The following MAGI2 variants were observed in gnomAD, a reference collection of about 807,000 sequenced individuals.
The protein encoded by MAGI2 is membrane-associated guanylate kinase, WW and PDZ domain-containing protein 2.
MAGI2 carries 35 observed loss-of-function variants against 133.3 expected under a neutral mutation model. That is an observed-to-expected ratio of 0.26 (90% CI 0.20 to 0.35). MAGI2 has a LOEUF of 0.35. MAGI2 is among the 10% of genes least tolerant of loss of function. MAGI2 has a pLI of 1.00. For synonymous variants in MAGI2, 729 were observed against 710.6 expected (o/e 1.03, Z -0.41); for missense variants, 1,636 against 1,863.4 (o/e 0.88, Z 2.25).
At chr7:78,678,374 A>G (rs968153846) in intron 2 of MAGI2, among the ~76,000 whole-genome samples, 4 of 151,992 alleles carry the variant, frequency 2.6e-5, no homozygotes, top group Non-Finnish European at 4.4e-5. Flanking sequence ...CCTGCTTCCC[A>G]CTCAAAGTCA....
At chr7:78,237,124 T>C (rs1384381606) in intron 10 of MAGI2, among the ~76,000 whole-genome samples, 1 of 152,044 alleles carries the variant, frequency 6.6e-6, no homozygotes, top group Non-Finnish European at 1.5e-5. Context: ...CATCCTGTTA[T>C]ACACATAGAT....
intron 1 of MAGI2, among the ~76,000 whole-genome samples, chr7:79,264,052 A>G (rs1190622215): frequency 6.6e-6 from 1 of 152,178 alleles, no homozygotes; most frequent in Non-Finnish European, 1.5e-5. Flanking sequence ...ACATTTTTTT[A>G]AAGTAGAAAG....
At chr7:79,152,664 A>T (rs1427328661) in intron 1 of MAGI2, among the ~76,000 whole-genome samples, 3 of 152,164 alleles carry the variant, frequency 2.0e-5, no homozygotes, top group Non-Finnish European at 4.4e-5. Context: ...TTCCACTCCA[A>T]ATGAATTTCT....
chr7:79,071,388 C>T (rs1192771493), intron 1 of MAGI2, among the ~76,000 whole-genome samples: 1 of 151,996 alleles, frequency 6.6e-6, no homozygotes, highest in East Asian at 1.9e-4. Flanking sequence ...TCTGTTGGCC[C>T]CTGCTGGGAG....
At chr7:78,291,727 C>A (rs1796728683) in intron 9 of MAGI2, among the ~76,000 whole-genome samples, 1 of 152,144 alleles carries the variant, frequency 6.6e-6, no homozygotes, top group African/African-American at 2.4e-5. Flanking sequence ...CAAGAAGCTT[C>A]TCCACCATGA....
At chr7:78,571,872 A>G (rs1252268177) in intron 3 of MAGI2, among the ~76,000 whole-genome samples, 1 of 152,086 alleles carries the variant, frequency 6.6e-6, no homozygotes, top group African/African-American at 2.4e-5. Context: ...AGAATAGAAT[A>G]TTTTTCATAG....
intron 2 of MAGI2, among the ~76,000 whole-genome samples, chr7:78,690,162 T>A (rs939010461): frequency 6.6e-6 from 1 of 152,224 alleles, no homozygotes; most frequent in Non-Finnish European, 1.5e-5. Flanking sequence ...TTTATTTTCC[T>A]ATCTTTTAAT....
At chr7:79,131,693 A>T (rs1036977592) in intron 1 of MAGI2, among the ~76,000 whole-genome samples, 1 of 152,134 alleles carries the variant, frequency 6.6e-6, no homozygotes, top group African/African-American at 2.4e-5. Flanking sequence ...AACCAGGACT[A>T]AGAAAAAACT....
intron 2 of MAGI2, among the ~76,000 whole-genome samples, chr7:78,716,532 A>AG (rs1276839117): frequency 1.3e-5 from 2 of 152,184 alleles, no homozygotes; most frequent in Non-Finnish European, 2.9e-5. Context: ...TGGCCTTTAG[A>AG]GGGAAAACAT....
chr7:79,368,656 G>T (rs921609152), intron 1 of MAGI2, among the ~76,000 whole-genome samples: 1 of 151,426 alleles, frequency 6.6e-6, no homozygotes, highest in African/African-American at 2.4e-5. Flanking sequence ...AGACCATCCC[G>T]GCTAAAACGG....
At chr7:78,321,656 T>C (rs1088557) in intron 9 of MAGI2, among the ~76,000 whole-genome samples, 77,487 of 151,924 alleles carry the variant, frequency 0.51, 21,891 homozygotes, top group African/African-American at 0.76. Flanking sequence ...AGACCTAAAA[T>C]CATAAAAACC....
rs9656146 is a variant in MAGI2 at position 78,414,968 on chromosome 7, T to C, written c.1046-45755A>G. 5.7e-3 allele frequency among the ~76,000 whole-genome samples: 868 copies of C among 152,212 alleles called. 9 individuals are homozygous for C. The highest frequency in any genetic ancestry group is 0.02 in the African/African-American group (811 of 41,558). On this transcript the variant is annotated intron_variant, in intron 6 of 21. Coordinates refer to ENST00000354212, the MANE Select transcript of MAGI2 (RefSeq NM_012301.4). ...CAGTGATTCTATTATCTAAAAACTG[T>C]GTGCCCTGATTTAACCTAAGTGAGA... is the stretch of plus-strand genomic sequence containing the variant.
intron 6 of MAGI2, among the ~76,000 whole-genome samples, chr7:78,462,413 T>C (rs1233299241): frequency 1.3e-5 from 2 of 152,216 alleles, no homozygotes; most frequent in Admixed American, 6.5e-5. Context: ...TCACATTCTC[T>C]TGATCTAAGG....
chr7:78,245,390 A>G (rs1175932122), intron 10 of MAGI2, among the ~76,000 whole-genome samples: 1 of 152,232 alleles, frequency 6.6e-6, no homozygotes, highest in Non-Finnish European at 1.5e-5. Flanking sequence ...CATTGTGGGC[A>G]TTCAAAAAGT....
intron 3 of MAGI2, among the ~76,000 whole-genome samples, chr7:78,576,199 T>C (rs1307935422): frequency 1.3e-5 from 2 of 151,980 alleles, no homozygotes; most frequent in East Asian, 3.8e-4. Context: ...ATGCTTTTTT[T>C]TTTTCTTGTT....
At chr7:78,694,631 T>C (rs556681055) in intron 2 of MAGI2, among the ~76,000 whole-genome samples, 2 of 152,166 alleles carry the variant, frequency 1.3e-5, no homozygotes, top group South Asian at 4.2e-4. Flanking sequence ...AAAGACCCCT[T>C]CCATAATAAT....
At chr7:79,127,690 TGG>T in intron 1 of MAGI2, among the ~76,000 whole-genome samples, 2 of 152,220 alleles carry the variant, frequency 1.3e-5, no homozygotes, top group Non-Finnish European at 2.9e-5. Context: ...TTGTAGATTC[TGG>T]TTATTAGCCC....
chr7:78,728,605 G>A (rs1472685167), intron 2 of MAGI2, among the ~76,000 whole-genome samples: 5 of 76,648 alleles, frequency 6.5e-5, no homozygotes, highest in South Asian at 9.1e-4. Flanking sequence ...TCGCTCTGTC[G>A]CCCAGGCTGG....
chr7:78,362,365 G>GA (rs1792915964), intron 7 of MAGI2, among the ~76,000 whole-genome samples: 1 of 152,160 alleles, frequency 6.6e-6, no homozygotes, highest in Non-Finnish European at 1.5e-5. Flanking sequence ...AATGGTAGTT[G>GA]AAAAGAAGTA....
Sources: allele counts gnomAD v4.1 joint callset (sites outside exome capture counted in the v4.1 genomes callset), GRCh38; gene constraint gnomAD v4.1.1; transcripts MANE v1.5; gene names NCBI Gene and HGNC (gene_info 2026-07-23, HGNC 2026-07-21).